Variants in HAUS6 observed in about 807,000 individuals in gnomAD.
HAUS6 encodes HAUS augmin-like complex subunit 6.
Under a neutral mutation model 106.8 loss-of-function variants are expected in HAUS6, and 80 were observed. That is an observed-to-expected ratio of 0.75 (90% CI 0.63 to 0.90). The LOEUF (loss-of-function observed/expected upper bound fraction) is 0.90. Ranked by LOEUF, HAUS6 falls within the 40% of genes least tolerant of loss-of-function variation. The pLI, the probability that HAUS6 is intolerant of heterozygous loss-of-function variation, is 0.00. For synonymous variants in HAUS6, 356 were observed against 379.1 expected (o/e 0.94, Z 0.71); for missense variants, 1,155 against 1,118.1 (o/e 1.03, Z -0.47).
At chr9:19,088,524 T>G (rs1362553025) in intron 5 of HAUS6, among the ~76,000 whole-genome samples, 1 of 152,102 alleles carries the variant, frequency 6.6e-6, no homozygotes, top group African/African-American at 2.4e-5. Flanking sequence ...AATTACAACT[T>G]TAAAATATAT....
At chr9:19,082,429 TG>T (rs1376635919) in intron 8 of HAUS6, among the ~76,000 whole-genome samples, 2 of 132,148 alleles carry the variant, frequency 1.5e-5, no homozygotes, top group Admixed American at 1.5e-4. Flanking sequence ...TCACTCCTTA[TG>T]AAAGTTTTAC....
At chr9:19,081,880 C>A (rs1837158556) in intron 8 of HAUS6, among the ~76,000 whole-genome samples, 1 of 151,334 alleles carries the variant, frequency 6.6e-6, no homozygotes, top group African/African-American at 2.4e-5. Context: ...GCCTGGCCAA[C>A]ATGGTGAAAC....
intron 14 of HAUS6, among the ~76,000 whole-genome samples, chr9:19,062,537 G>C (rs1836648705): frequency 6.6e-6 from 1 of 152,276 alleles, no homozygotes; most frequent in South Asian, 2.1e-4. Context: ...CACTTTTGAG[G>C]AAGACCAATT....
rs776356511 is a variant in HAUS6 at position 19,083,039 on chromosome 9, C to T, written c.704G>A (p.Arg235Gln). The change falls in exon 8 of 17, where the codon CGG becomes CAG. Residue 235 changes from arginine to glutamine, a missense_variant. Arg to Gln is a conservative substitution (Grantham distance 43). Transcript: ENST00000380502. ...TTCATTCACTGAAGCCCACAAAGAC[C>T]GAACCTTTGGAAACAGAAACAAAAT... The part of the protein sequence containing the change: ...SNMEEKIQKV[R>Q]SLWASVNETL... The T allele has an allele frequency of 2.6e-5, 41 of 1,575,138 alleles. No individual in the cohort carries two copies. The highest frequency in any genetic ancestry group is 3.2e-5 in the Non-Finnish European group (37 of 1,164,820).
At chr9:19,101,516 T>C (rs1397519085) in intron 1 of HAUS6, among the ~76,000 whole-genome samples, 1 of 150,932 alleles carries the variant, frequency 6.6e-6, no homozygotes, top group Non-Finnish European at 1.5e-5. Flanking sequence ...ATGGCTCATA[T>C]CTATAATCCC....
chr9:19,094,181 A>C, intron 3 of HAUS6, 136 bp downstream of exon 3: 1 of 528,152 alleles, frequency 1.9e-6, no homozygotes, highest in Non-Finnish European at 3.4e-6. Flanking sequence ...ATCAAAGAAG[A>C]CTATTTTAAC....
At chr9:19,078,984 G>C (rs932663673) in intron 9 of HAUS6, among the ~76,000 whole-genome samples, 2 of 150,086 alleles carry the variant, frequency 1.3e-5, no homozygotes, top group African/African-American at 4.9e-5. Flanking sequence ...GTGAAACCCT[G>C]TCTCTACTGA....
intron 5 of HAUS6, among the ~76,000 whole-genome samples, chr9:19,088,552 C>T (rs1481687389): frequency 1.3e-5 from 2 of 151,768 alleles, no homozygotes; most frequent in Non-Finnish European, 2.9e-5. Context: ...TTTTACAAAG[C>T]ACATAAGAAA....
chr9:19,079,628 T>C (rs1391491838), intron 9 of HAUS6, among the ~76,000 whole-genome samples: 1 of 152,114 alleles, frequency 6.6e-6, no homozygotes, highest in African/African-American at 2.4e-5. Flanking sequence ...AGCCCATACT[T>C]TCTATTCTTT....
intron 4 of HAUS6, among the ~76,000 whole-genome samples, chr9:19,092,889 C>T (rs915003039): frequency 1.4e-5 from 2 of 143,566 alleles, no homozygotes; most frequent in Non-Finnish European, 3.0e-5. Context: ...CACAGCATTG[C>T]ACTCCAGCTT....
At chr9:19,079,388 C>A (rs1837086823) in intron 9 of HAUS6, among the ~76,000 whole-genome samples, 1 of 151,462 alleles carries the variant, frequency 6.6e-6, no homozygotes, top group Non-Finnish European at 1.5e-5. Context: ...CACGCCACCA[C>A]GCCTGGCTAA....
chr9:19,100,223 G>C (rs370528195), intron 1 of HAUS6, among the ~76,000 whole-genome samples: 1 of 152,124 alleles, frequency 6.6e-6, no homozygotes, highest in African/African-American at 2.4e-5. Context: ...CTAGCCAGGC[G>C]TGGCAGCAGG....
At chr9:19,075,128 G>A (rs1475274249) in intron 11 of HAUS6, among the ~76,000 whole-genome samples, 1 of 152,296 alleles carries the variant, frequency 6.6e-6, no homozygotes, top group South Asian at 2.1e-4. Flanking sequence ...AGTGAAAGAA[G>A]CCAGTCACAA....
chr9:19,073,422 G>GAA lies in HAUS6; in HGVS notation c.1295-3124_1295-3123dup, dbSNP rs113083248. 1.0e-4 allele frequency among the ~76,000 whole-genome samples: 15 copies of GAA among 146,250 alleles called. No homozygotes were observed. The South Asian group carries it at 1.1e-3, about 11-fold the overall frequency. ...AGCTCAGATCAAGGTTCTATACTAG[G>GAA]AAAAAAAAAAAGGACTCCCAAGAGT... On this transcript the variant is annotated intron_variant, in intron 11 of 16. Transcript: ENST00000380502.
At chr9:19,101,671 C>T (rs995856086) in intron 1 of HAUS6, among the ~76,000 whole-genome samples, 1 of 152,148 alleles carries the variant, frequency 6.6e-6, no homozygotes, top group African/African-American at 2.4e-5. Context: ...CCTGTAATCC[C>T]AGCACTTTGG....
At chr9:19,075,501 T>C (rs989006031) in intron 11 of HAUS6, among the ~76,000 whole-genome samples, 1 of 152,164 alleles carries the variant, frequency 6.6e-6, no homozygotes, top group Non-Finnish European at 1.5e-5. Context: ...CCCAGCACTT[T>C]GGGAGGCCAA....
chr9:19,061,150 G>A (rs541646778), intron 14 of HAUS6, among the ~76,000 whole-genome samples: 2 of 152,188 alleles, frequency 1.3e-5, no homozygotes, highest in Admixed American at 6.5e-5. Flanking sequence ...GGCAACAAGT[G>A]CAAAACTCCG....
chr9:19,063,878 C>G (rs1836694966), intron 12 of HAUS6: 3 of 510,578 alleles, frequency 5.9e-6, no homozygotes, highest in Non-Finnish European at 7.5e-6. Flanking sequence ...AACTTGAACA[C>G]AGGTTAAAAA....
At chr9:19,064,758 C>T (rs764248406) in intron 12 of HAUS6, among the ~76,000 whole-genome samples, 2 of 152,158 alleles carry the variant, frequency 1.3e-5, no homozygotes, top group Non-Finnish European at 2.9e-5. Flanking sequence ...TGCCTACGTT[C>T]CAAACATAAT....
Sources: gnomAD v4.1 joint callset for allele counts (sites outside exome capture counted in the v4.1 genomes callset) on GRCh38, gnomAD v4.1.1 for gene constraint, MANE v1.5 for transcripts, NCBI Gene and HGNC (gene_info 2026-07-23, HGNC 2026-07-21) for gene names.